ABCC6: variants seen among roughly 807,000 people sequenced by gnomAD.
The protein encoded by ABCC6 is ATP-binding cassette sub-family C member 6.
In ABCC6, 126 loss-of-function variants were observed where a neutral mutation model predicts 169.5. The observed-to-expected ratio is 0.74, with a 90% CI of 0.64 to 0.86. The LOEUF (loss-of-function observed/expected upper bound fraction) is 0.86, where lower values mean the gene tolerates loss of function less well. Ranked by LOEUF, ABCC6 falls within the 40% of genes least tolerant of loss-of-function variation. The probability of loss-of-function intolerance (pLI) is 0.00; values close to 1 mark genes in which losing one functional copy is unlikely to be tolerated. For synonymous variants in ABCC6, 752 were observed against 814.7 expected (o/e 0.92, Z 1.31); for missense variants, 1,733 against 1,927.2 (o/e 0.90, Z 1.89).
At chr16:16,205,547 T>C (rs1370406401) in intron 7 of ABCC6, among the ~76,000 whole-genome samples, 1 of 152,082 alleles carries the variant, frequency 6.6e-6, no homozygotes, top group Middle Eastern at 3.2e-3. Context: ...TATGGAGGGT[T>C]GTGGTTCAGC....
rs1327987307 is a variant in ABCC6, at chr16:16,198,196, A to G, written c.1177-14T>C. 2 of 1,574,900 alleles carry G rather than the reference A, an allele frequency of 1.3e-6. No individual in the cohort carries two copies. The highest frequency in any genetic ancestry group is 4.7e-5 in the East Asian group (2 of 43,006). On this transcript the variant is annotated splice_polypyrimidine_tract_variant and intron_variant, in intron 9 of 30. Coordinates refer to ENST00000205557, the MANE Select transcript of ABCC6 (RefSeq NM_001171.6). ...CAGAGCCAGGACCTGGCGGGTGGGC[A>G]GAAGGAGAGAAGTAAAGTGGGGAGG... is the stretch of plus-strand genomic sequence containing the variant.
Position 16,178,201 on chromosome 16 carries a change from C to G in ABCC6, c.2416-575G>C, listed in dbSNP as rs549249100. Among the ~76,000 whole-genome samples, 15 of 152,086 alleles carry G rather than the reference C, an allele frequency of 9.9e-5. 1 individual carries two copies. Among genetic ancestry groups the G allele is most frequent in the African/African-American group, 3.4e-4 (14 of 41,502 alleles). The stretch of plus-strand genomic sequence containing the variant: ...AATTAGCTGGGCGTGGTGGCGGGCA[C>G]CTGTAGTCCCAGCTACTCGGGAGGC... On this transcript the variant is annotated intron_variant, in intron 18 of 30. Transcript: ENST00000205557.
chr16:16,172,741 G>C (rs2856586), intron 21 of ABCC6, among the ~76,000 whole-genome samples: 61,803 of 152,024 alleles, frequency 0.41, 13,152 homozygotes, highest in South Asian at 0.67. Flanking sequence ...TCTCTTAACT[G>C]TTTAAGACTT....
intron 19 of ABCC6, 58 bp from the exon 20 acceptor site, chr16:16,176,044 CACTG>C (rs2047269140): frequency 3.2e-6 from 5 of 1,538,808 alleles, no homozygotes; most frequent in African/African-American, 1.4e-5. Context: ...CTTTGACACC[CACTG>C]ACTATGTGGC....
intron 10 of ABCC6, among the ~76,000 whole-genome samples, chr16:16,195,841 A>G (rs2048019751): frequency 6.6e-6 from 1 of 152,232 alleles, no homozygotes; most frequent in African/African-American, 2.4e-5. Context: ...CCCTAGCCTT[A>G]GCAAAAACAA....
chr16:16,183,065 C>T, intron 15 of ABCC6, 135 bp from the exon 16 acceptor site: 1 of 1,370,094 alleles, frequency 7.3e-7, no homozygotes, highest in East Asian at 2.3e-5. Context: ...GTTCTTTTTC[C>T]CAGTCCTTGT....
At chr16:16,177,654 C>T (rs1194266882) in intron 18 of ABCC6, 28 bp from the exon 19 acceptor site, 2 of 1,613,064 alleles carry the variant, frequency 1.2e-6, no homozygotes, top group South Asian at 1.1e-5. Context: ...AGAAGTTACA[C>T]ACATGTGGCC....
chr16:16,219,840 A>G lies in ABCC6; in HGVS notation c.327T>C (p.Thr109=), dbSNP rs1483482357. ...TCATTACCATCGTGGTGAGCCACAC[A>G]GTAGGATGAATGAGGAATTCTGGGG... ...PEAPEFLIHP[T]VWLTTMSFAV... is the part of the protein sequence containing the mutation. The change falls in exon 3 of 31, where the codon ACT becomes ACC. Residue 109 remains threonine, a synonymous_variant. Coordinates refer to ENST00000205557, the MANE Select transcript of ABCC6 (RefSeq NM_001171.6). The G allele has an allele frequency of 1.4e-6, 2 of 1,408,982 alleles. No individual in the cohort carries two copies. Among genetic ancestry groups the G allele is most frequent in the East Asian group, 2.5e-5 (1 of 40,160 alleles). The allele number at this position is 1,408,982 out of a possible 1,614,324, so 87.3% of individuals were successfully genotyped here.
intron 6 of ABCC6, among the ~76,000 whole-genome samples, chr16:16,210,283 C>G (rs1456909673): frequency 6.6e-6 from 1 of 150,530 alleles, no homozygotes; most frequent in African/African-American, 2.4e-5. Flanking sequence ...ATTGCAGGCT[C>G]CCACCACCAC....
chr16:16,177,318 G>T, intron 19 of ABCC6, 134 bp downstream of exon 19: 1 of 990,560 alleles, frequency 1.0e-6, no homozygotes, highest in Non-Finnish European at 1.6e-6. Context: ...TAAGAGAGCT[G>T]TCTGCTTCCA....
intron 7 of ABCC6, among the ~76,000 whole-genome samples, chr16:16,204,133 G>A (rs4780610): frequency 1.3e-5 from 2 of 151,228 alleles, no homozygotes; most frequent in South Asian, 4.2e-4. Flanking sequence ...CTCAGCTCAC[G>A]GCAACCTCCA....
chr16:16,198,309 G>C, intron 9 of ABCC6, 127 bp from the exon 10 acceptor site: 3 of 1,000,228 alleles, frequency 3.0e-6, no homozygotes, highest in Non-Finnish European at 4.4e-6. Context: ...AGTCTCTTAG[G>C]CCAACCTCTC....
chr16:16,201,256 T>C (rs2048227626), intron 9 of ABCC6, among the ~76,000 whole-genome samples: 1 of 152,222 alleles, frequency 6.6e-6, no homozygotes, highest in Admixed American at 6.5e-5. Flanking sequence ...CGTGCACCAC[T>C]GTGCCCAGCC....
At chr16:16,173,727 C>T (rs539192442) in intron 20 of ABCC6, among the ~76,000 whole-genome samples, 3 of 148,158 alleles carry the variant, frequency 2.0e-5, no homozygotes, top group Non-Finnish European at 4.4e-5. Flanking sequence ...TGGGGTCTTG[C>T]TGCATTGCCC....
chr16:16,204,842 T>G (rs1234301454), intron 7 of ABCC6, among the ~76,000 whole-genome samples: 5 of 150,976 alleles, frequency 3.3e-5, no homozygotes. Flanking sequence ...CTTTTCTTTT[T>G]TTTTTTTTTT....
rs114185856 is a variant in ABCC6, at chr16:16,178,896, C to A, written c.2317G>T (p.Val773Leu). 3.1e-6 allele frequency: 5 copies of A among 1,613,786 alleles called. No individual in the cohort carries two copies. Among genetic ancestry groups the A allele is most frequent in the Non-Finnish European group, 4.2e-6 (5 of 1,180,060 alleles). Residue 773 changes from valine (V) to leucine (L), a missense_variant, in exon 18 of 31, where the codon GTG becomes TTG. By Grantham distance (32) the Val-to-Leu change is conservative. Around this residue, in one of 5 missense-constraint regions of ABCC6, gnomAD observed 1,601 missense variants for 1,635.5 expected, o/e 0.98. Coordinates refer to ENST00000205557, the MANE Select transcript of ABCC6 (RefSeq NM_001171.6). ...LARAVYRKAAVYLLDDPLAAL... is the reference protein window; with the variant it reads ...LARAVYRKAALYLLDDPLAAL... ...GCCAGGGGGTCATCCAGCAGGTACA[C>A]AGCTGCCTTTCTGTATACAGCCCGG...
chr16:16,150,169 C>T lies in ABCC6; in HGVS notation c.4476G>A (p.Leu1492=), dbSNP rs745761393. 5 of 1,613,402 alleles carry T rather than the reference C, an allele frequency of 3.1e-6. No individual in the cohort carries two copies. In the South Asian group the frequency reaches 4.4e-5, roughly 14 times the overall value. Residue 1492 remains leucine, a synonymous_variant, in exon 31 of 31, where the codon CTG becomes CTA. Coordinates refer to ENST00000205557, the MANE Select transcript of ABCC6 (RefSeq NM_001171.6). ...CTGACTCCTGGGCCAGTCTGTAAAA[C>T]AGGCCCTTCTGGGCCAGCAGCTGGG... ...SPAQLLAQKG[L]FYRLAQESGL... is the part of the protein sequence containing the mutation.
At chr16:16,184,198 CAAAAAAAAAA>C (rs56071235) in intron 15 of ABCC6, 42 of 71,944 alleles carry the variant, frequency 5.8e-4, no homozygotes, top group South Asian at 5.1e-3. Context: ...GACTCCGTTT[CAAAAAAAAAA>C]AAAAAAAAAA....
At chr16:16,153,410 C>T (rs2152210606) in intron 29 of ABCC6, among the ~76,000 whole-genome samples, 1 of 152,266 alleles carries the variant, frequency 6.6e-6, no homozygotes, top group East Asian at 1.9e-4. Context: ...CCCTTGAAGA[C>T]ATCATGCTGT....
Sources: allele counts gnomAD v4.1 joint callset (sites outside exome capture counted in the v4.1 genomes callset), GRCh38; gene constraint gnomAD v4.1.1; regional missense constraint gnomAD v4.1.1; transcripts MANE v1.5; gene names NCBI Gene and HGNC (gene_info 2026-07-23, HGNC 2026-07-21).